The following SLC35F3 variants were observed in gnomAD, a reference collection of about 807,000 sequenced individuals.
The protein encoded by SLC35F3 is putative thiamine transporter SLC35F3.
SLC35F3 carries 25 observed loss-of-function variants against 49.9 expected under a neutral mutation model. The observed-to-expected ratio is 0.50, with a 90% CI of 0.37 to 0.70. The LOEUF (loss-of-function observed/expected upper bound fraction) is 0.70. Among genes scored for constraint, SLC35F3 ranks in the 30% least tolerant of loss-of-function variants. The pLI, the probability that SLC35F3 is intolerant of heterozygous loss-of-function variation, is 0.00. For missense variants in SLC35F3, 525 were observed against 639.8 expected (o/e 0.82, Z 1.94); for synonymous variants, 275 against 265.4 (o/e 1.04, Z -0.35).
chr1:234,141,884 C>G (rs1326009358), intron 2 of SLC35F3, among the ~76,000 whole-genome samples: 1 of 152,208 alleles, frequency 6.6e-6, no homozygotes, highest in East Asian at 1.9e-4. Flanking sequence ...AGGCAGCCAG[C>G]CCTCCTCACT....
At chr1:234,234,440 C>A (rs531107667) in intron 3 of SLC35F3, among the ~76,000 whole-genome samples, 1 of 152,174 alleles carries the variant, frequency 6.6e-6, no homozygotes, top group Non-Finnish European at 1.5e-5. Context: ...CTGTGAGGCT[C>A]CCTGGGGTCT....
intron 2 of SLC35F3, among the ~76,000 whole-genome samples, chr1:234,034,518 C>T (rs1167242316): frequency 6.6e-6 from 1 of 151,904 alleles, no homozygotes; most frequent in Non-Finnish European, 1.5e-5. Flanking sequence ...TTTATTCATT[C>T]ATTCATTCAT....
chr1:234,311,856 G>A (rs896008104), intron 4 of SLC35F3, among the ~76,000 whole-genome samples: 23 of 152,184 alleles, frequency 1.5e-4, no homozygotes, highest in African/African-American at 5.3e-4. Flanking sequence ...ACAGATCTTG[G>A]CTCCATTGTT....
At chr1:234,103,077 G>C (rs984658247) in intron 2 of SLC35F3, among the ~76,000 whole-genome samples, 3 of 152,240 alleles carry the variant, frequency 2.0e-5, no homozygotes, top group African/African-American at 7.2e-5. Flanking sequence ...TCACTCTAAA[G>C]AGATGAAAGT....
At chr1:234,019,994 G>T (rs900455069) in intron 2 of SLC35F3, among the ~76,000 whole-genome samples, 1 of 152,152 alleles carries the variant, frequency 6.6e-6, no homozygotes, top group African/African-American at 2.4e-5. Context: ...GATAACTGTT[G>T]ATCCAGGAGG....
chr1:233,971,005 T>A (rs1407738768), intron 2 of SLC35F3, among the ~76,000 whole-genome samples: 1 of 152,232 alleles, frequency 6.6e-6, no homozygotes, highest in African/African-American at 2.4e-5. Context: ...TTTTTATCTT[T>A]CTGTATGTGG....
intron 2 of SLC35F3, among the ~76,000 whole-genome samples, chr1:234,059,651 CATAG>C (rs1664511072): frequency 6.6e-6 from 1 of 151,568 alleles, no homozygotes; most frequent in Non-Finnish European, 1.5e-5. Flanking sequence ...TAGACATAGA[CATAG>C]ACATAGACAT....
chr1:233,905,109 C>G lies in SLC35F3; in HGVS notation c.32C>G (p.Pro11Arg). ...ATTCGAGAGTTTCCCAGCGGCGCAC[C>G]CAGGGGCAAGAGCATTGCCGTGTGA... MGIREFPSGA[P>R]RGKSIAVGMR... The change falls in exon 1 of 8, where the codon CCC becomes CGC. Residue 11 changes from proline to arginine, a missense_variant. Around this residue, in one of 4 missense-constraint regions of SLC35F3, gnomAD observed 228 missense variants for 218.9 expected, o/e 1.04. Transcript: ENST00000366618. 6.4e-7 allele frequency: 1 copy of G among 1,562,312 alleles called. No individual in the cohort carries two copies. Among genetic ancestry groups the G allele is most frequent in the Non-Finnish European group, 8.7e-7 (1 of 1,152,130 alleles).
At chr1:233,922,657 T>C (rs1662084674) in intron 2 of SLC35F3, among the ~76,000 whole-genome samples, 1 of 152,212 alleles carries the variant, frequency 6.6e-6, no homozygotes, top group Admixed American at 6.5e-5. Flanking sequence ...TTTAATTAGA[T>C]CCCATTTGTC....
chr1:233,976,113 A>G (rs12092783), intron 2 of SLC35F3, among the ~76,000 whole-genome samples: 71,848 of 152,060 alleles, frequency 0.47, 19,351 homozygotes, highest in East Asian at 0.78. Flanking sequence ...AGGGAGAAAG[A>G]CAGAGGAGGA....
chr1:234,052,864 C>T (rs1664399811), intron 2 of SLC35F3, among the ~76,000 whole-genome samples: 1 of 152,168 alleles, frequency 6.6e-6, no homozygotes, highest in African/African-American at 2.4e-5. Context: ...TTTCAAAGAA[C>T]ATCTTTATTT....
chr1:233,915,499 A>G (rs927070491), intron 2 of SLC35F3, among the ~76,000 whole-genome samples: 6 of 152,152 alleles, frequency 3.9e-5, no homozygotes, highest in Admixed American at 1.3e-4. Flanking sequence ...TGACGTATGT[A>G]TGATTGCACC....
chr1:234,274,811 C>T (rs1389493271), intron 3 of SLC35F3, among the ~76,000 whole-genome samples: 1 of 152,170 alleles, frequency 6.6e-6, no homozygotes, highest in Non-Finnish European at 1.5e-5. Context: ...AGACAGAATT[C>T]TGCATTTCAA....
chr1:234,187,826 G>A (rs185660171), intron 2 of SLC35F3, among the ~76,000 whole-genome samples: 205 of 152,288 alleles, frequency 1.3e-3, no homozygotes, highest in African/African-American at 4.6e-3. Flanking sequence ...AGAGGAACTG[G>A]GAAAAGACTA....
intron 6 of SLC35F3, 119 bp downstream of exon 6, chr1:234,319,062 G>T: frequency 1.2e-6 from 1 of 821,258 alleles, no homozygotes. Flanking sequence ...GTTCTCACTG[G>T]TTTTTAAGAT....
At chr1:234,173,088 C>G (rs911199673) in intron 2 of SLC35F3, among the ~76,000 whole-genome samples, 1 of 152,150 alleles carries the variant, frequency 6.6e-6, no homozygotes, top group Non-Finnish European at 1.5e-5. Context: ...CTTTTTAATG[C>G]CTGTGCCCCC....
intron 2 of SLC35F3, among the ~76,000 whole-genome samples, chr1:234,161,826 AC>A (rs1330188153): frequency 6.6e-6 from 1 of 151,992 alleles, no homozygotes; most frequent in Non-Finnish European, 1.5e-5. Context: ...ATATCAAAAT[AC>A]TTTGGCTTGT....
intron 3 of SLC35F3, among the ~76,000 whole-genome samples, chr1:234,269,797 CT>C (rs946622883): frequency 6.6e-6 from 1 of 152,100 alleles, no homozygotes; most frequent in African/African-American, 2.4e-5. Context: ...CTCATAAGAG[CT>C]GGTTTTTTAA....
chr1:234,101,422 G>C (rs1352934359), intron 2 of SLC35F3, among the ~76,000 whole-genome samples: 6 of 152,142 alleles, frequency 3.9e-5, no homozygotes, highest in Admixed American at 3.9e-4. Flanking sequence ...CCAACACCTA[G>C]CTGATGTCAT....
Sources: gnomAD v4.1 joint callset for allele counts (sites outside exome capture counted in the v4.1 genomes callset) on GRCh38, gnomAD v4.1.1 for gene constraint, gnomAD v4.1.1 regional missense constraint, MANE v1.5 for transcripts, NCBI Gene and HGNC (gene_info 2026-07-23, HGNC 2026-07-21) for gene names.